Variants in NRXN3 observed in about 807,000 individuals in gnomAD.
NRXN3 encodes the protein neurexin III.
Under a neutral mutation model 137.6 loss-of-function variants are expected in NRXN3, and 32 were observed. The observed-to-expected ratio is 0.23, with a 90% confidence interval of 0.18 to 0.31. The LOEUF is 0.31. NRXN3 is among the 10% of genes least tolerant of loss of function. NRXN3 has a pLI of 1.00. For synonymous variants in NRXN3, 798 were observed against 784.5 expected (o/e 1.02, Z -0.29); for missense variants, 1,574 against 2,062.5 (o/e 0.76, Z 4.59).
intron 15 of NRXN3, among the ~76,000 whole-genome samples, chr14:79,168,340 G>A (rs575584859): frequency 2.0e-5 from 3 of 151,980 alleles, no homozygotes; most frequent in African/African-American, 4.8e-5. Context: ...GGTTGTTAGA[G>A]GGAGATAGTT....
In NRXN3 at chr14:79,863,950, G is replaced by C. The variant is rs747420092; in HGVS notation, c.*1986G>C. ...TCTAAATGGTAGCCTTTACTAATGT[G>C]TGTGGAAAGAGGTGTTCCTCATTAT... On this transcript the variant is annotated 3_prime_UTR_variant, in exon 21 of 21. Coordinates refer to ENST00000335750, the MANE Select transcript of NRXN3 (RefSeq NM_001330195.2). 6.6e-6 allele frequency: 1 copy of C among 152,518 alleles called. No homozygotes were observed. Among genetic ancestry groups the C allele is most frequent in the African/African-American group, 2.4e-5 (1 of 41,452 alleles). 9.4% of individuals were successfully genotyped at this position (152,518 alleles called of 1,614,324 possible). A position where few individuals can be genotyped will look rare whatever the true frequency, so the allele number is the denominator to read the frequency against.
intron 4 of NRXN3, among the ~76,000 whole-genome samples, chr14:78,585,971 T>C (rs1320218631): frequency 6.6e-6 from 1 of 152,126 alleles, no homozygotes; most frequent in East Asian, 1.9e-4. Flanking sequence ...CGTAGATAAA[T>C]TGAGTGTAGC....
chr14:78,609,725 T>C (rs560727541), intron 4 of NRXN3, among the ~76,000 whole-genome samples: 5 of 152,310 alleles, frequency 3.3e-5, no homozygotes, highest in African/African-American at 1.2e-4. Flanking sequence ...TAGTAAGTGT[T>C]CAATAAATTA....
In NRXN3 at chr14:79,200,439, T is replaced by G. The variant is rs113921366; in HGVS notation, c.3262+212298T>G. ...AGAACTGTAGAAGTGGGGCAATATG[T>G]GGAATAGTGAGGGTCTCAGAACAGA... is the stretch of plus-strand genomic sequence containing the variant. On this transcript the variant is annotated intron_variant, in intron 15 of 20. Coordinates refer to ENST00000335750, the MANE Select transcript of NRXN3 (RefSeq NM_001330195.2). Among the ~76,000 whole-genome samples the G allele has an allele frequency of 4.8e-3, 736 of 152,028 alleles. 5 individuals are homozygous for G. The highest frequency in any genetic ancestry group is 0.017 in the African/African-American group (689 of 41,468).
intron 4 of NRXN3, among the ~76,000 whole-genome samples, chr14:78,527,303 A>G (rs1347807850): frequency 1.3e-5 from 2 of 152,176 alleles, no homozygotes; most frequent in African/African-American, 4.8e-5. Context: ...ACTTGTAATC[A>G]TGGCAGAACG....
chr14:79,290,532 A>C (rs1224780913), intron 15 of NRXN3, among the ~76,000 whole-genome samples: 1 of 152,182 alleles, frequency 6.6e-6, no homozygotes, highest in Non-Finnish European at 1.5e-5. Context: ...AGGTTGCAGC[A>C]CAGTCAACTC....
At chr14:78,748,518 G>T (rs1044995639) in intron 8 of NRXN3, among the ~76,000 whole-genome samples, 1 of 151,996 alleles carries the variant, frequency 6.6e-6, no homozygotes, top group South Asian at 2.1e-4. Context: ...ATGAGGAATT[G>T]GTATAATATG....
At chr14:79,802,568 A>G (rs1240045849) in intron 19 of NRXN3, among the ~76,000 whole-genome samples, 1 of 152,198 alleles carries the variant, frequency 6.6e-6, no homozygotes, top group Admixed American at 6.5e-5. Context: ...GGTGGGAGAC[A>G]TTGCCCCTAT....
chr14:79,787,820 T>G (rs1865935419), intron 19 of NRXN3, among the ~76,000 whole-genome samples: 1 of 152,182 alleles, frequency 6.6e-6, no homozygotes, highest in African/African-American at 2.4e-5. Context: ...ATGGAAAACC[T>G]TCATTCTTGA....
At chr14:78,429,244 AT>A (rs777511633) in intron 4 of NRXN3, among the ~76,000 whole-genome samples, 2 of 151,652 alleles carry the variant, frequency 1.3e-5, no homozygotes, top group Admixed American at 6.6e-5. Context: ...ATATATATAT[AT>A]TTTTTGTATA....
intron 11 of NRXN3, among the ~76,000 whole-genome samples, chr14:78,960,121 T>G (rs1190887722): frequency 3.3e-5 from 5 of 152,170 alleles, no homozygotes; most frequent in African/African-American, 1.2e-4. Flanking sequence ...TATCCAGTAA[T>G]TTGATTTTTT....
In NRXN3 at chr14:78,775,248, G is replaced by A. The variant is rs544673095; in HGVS notation, c.2045-28372G>A. Among the ~76,000 whole-genome samples the A allele has an allele frequency of 4.6e-5, 7 of 152,302 alleles. No homozygotes were observed. In the East Asian group the frequency reaches 7.7e-4, roughly 17 times the overall value. ...TTTACAATCTTGTTAGGGGTGTGGT[G>A]TGTACATATATACAAAGTTTAGTTT... On this transcript the variant is annotated intron_variant, in intron 8 of 20. Coordinates refer to ENST00000335750, the MANE Select transcript of NRXN3 (RefSeq NM_001330195.2).
At chr14:79,437,416 A>G (rs1338862797) in intron 15 of NRXN3, among the ~76,000 whole-genome samples, 1 of 139,098 alleles carries the variant, frequency 7.2e-6, no homozygotes, top group East Asian at 2.0e-4. Context: ...TGTGCGTTCT[A>G]AAAAAAAAAA....
chr14:78,377,157 T>C (rs936750219), intron 4 of NRXN3, among the ~76,000 whole-genome samples: 1 of 152,170 alleles, frequency 6.6e-6, no homozygotes, highest in Admixed American at 6.5e-5. Flanking sequence ...CCCAACTCTG[T>C]GTTATCTATG....
At chr14:79,411,836 A>T (rs2095421620) in intron 15 of NRXN3, among the ~76,000 whole-genome samples, 1 of 152,216 alleles carries the variant, frequency 6.6e-6, no homozygotes, top group Non-Finnish European at 1.5e-5. Flanking sequence ...TGACTAAGAT[A>T]CAGTCCCAGG....
intron 6 of NRXN3, among the ~76,000 whole-genome samples, chr14:78,702,600 A>T (rs1332843323): frequency 6.6e-6 from 1 of 151,748 alleles, no homozygotes; most frequent in East Asian, 1.9e-4. Flanking sequence ...ATACCGCACC[A>T]TACCTGCTAA....
intron 4 of NRXN3, among the ~76,000 whole-genome samples, chr14:78,604,209 C>T (rs1165772527): frequency 6.6e-6 from 1 of 152,104 alleles, no homozygotes; most frequent in East Asian, 1.9e-4. Flanking sequence ...TACCGGGTTT[C>T]TCTCACAACA....
chr14:78,401,420 C>T (rs957704482), intron 4 of NRXN3, among the ~76,000 whole-genome samples: 8 of 152,144 alleles, frequency 5.3e-5, no homozygotes, highest in African/African-American at 1.4e-4. Flanking sequence ...CCTCCTGAGC[C>T]TCCCAAAGTG....
chr14:78,205,045 C>A lies in NRXN3; in HGVS notation c.-704+34371C>A, dbSNP rs17107130. Among the ~76,000 whole-genome samples, 273 of 152,302 alleles carry A rather than the reference C, an allele frequency of 1.8e-3. 6 individuals are homozygous for A. In the East Asian group the frequency reaches 0.045, roughly 25 times the overall value. On this transcript the variant is annotated intron_variant, in intron 1 of 20. Coordinates refer to ENST00000335750, the MANE Select transcript of NRXN3 (RefSeq NM_001330195.2). ...TGTGTTGATGGGGGCACAGGTAGTG[C>A]AGGAGAAATCTATTTAGGTGCCCGC... is the stretch of plus-strand genomic sequence containing the variant.
Sources: gnomAD v4.1 joint callset for allele counts (sites outside exome capture counted in the v4.1 genomes callset) on GRCh38, gnomAD v4.1.1 for gene constraint, MANE v1.5 for transcripts, NCBI Gene and HGNC (gene_info 2026-07-23, HGNC 2026-07-21) for gene names.